ZC3H8: variants seen among roughly 807,000 people sequenced by gnomAD.
ZC3H8 encodes zinc finger CCCH-type containing 8.
A neutral mutation model predicts 42.5 loss-of-function variants in ZC3H8; 27 were observed. The ratio of observed to expected loss-of-function variants is 0.64; its 90% CI spans 0.47 to 0.88. The LOEUF (loss-of-function observed/expected upper bound fraction) is 0.88, where lower values mean the gene tolerates loss of function less well. ZC3H8 is among the 40% of genes least tolerant of loss of function. The probability of loss-of-function intolerance (pLI) is 0.00; values close to 1 mark genes in which losing one functional copy is unlikely to be tolerated. For synonymous variants in ZC3H8, 101 were observed against 110.1 expected (o/e 0.92, Z 0.52); for missense variants, 277 against 336.1 (o/e 0.82, Z 1.37).
chr2:112,244,898 T>C (rs1685704575), intron 2 of ZC3H8, among the ~76,000 whole-genome samples: 1 of 152,176 alleles, frequency 6.6e-6, no homozygotes, highest in Admixed American at 6.5e-5. Context: ...GATACTGAAA[T>C]TAGACTAATT....
chr2:112,216,683 C>CAAAAA (rs71385865), intron 8 of ZC3H8, among the ~76,000 whole-genome samples: 5 of 121,028 alleles, frequency 4.1e-5, no homozygotes, highest in East Asian at 2.3e-4. Context: ...AGAACTGAAG[C>CAAAAA]AAAAAAAAAA....
rs916749596 is a variant in ZC3H8, at chr2:112,212,161, T to G, written c.*4323A>C. The G allele has an allele frequency of 6.6e-6, 1 of 152,302 alleles. No individual in the cohort carries two copies. Among genetic ancestry groups the G allele is most frequent in the African/African-American group, 2.4e-5 (1 of 41,448 alleles). 9.4% of individuals were successfully genotyped at this position (152,302 alleles called of 1,614,324 possible). ...CCTGCTTTGTAGACAGCCATTTTCT[T>G]GCCGTGTCCTCACATGGTGGAAAAG... On this transcript the variant is annotated 3_prime_UTR_variant, in exon 9 of 9. Coordinates refer to ENST00000409573, the MANE Select transcript of ZC3H8 (RefSeq NM_032494.3).
rs11308292 is a variant in ZC3H8 at position 112,234,032 on chromosome 2, T to TA, written c.621+87dup. ...ATTTTTTTCCAGAATGAAACAGCTT[T>TA]AAAAACCTAAAGGTATGAATTAAAA... On this transcript the variant is annotated intron_variant, in intron 5 of 8. Transcript: ENST00000409573. 3 of 761,354 alleles carry TA rather than the reference T, an allele frequency of 3.9e-6. No individual in the cohort carries two copies. In the South Asian group the frequency reaches 7.4e-5, roughly 19 times the overall value. The allele number at this position is 761,354 out of a possible 1,614,324, so 47.2% of individuals were successfully genotyped here. A position where few individuals can be genotyped will look rare whatever the true frequency, so the allele number is the denominator to read the frequency against.
intron 3 of ZC3H8, 65 bp downstream of exon 3, chr2:112,238,250 G>A (rs1368618737): frequency 2.0e-5 from 30 of 1,484,798 alleles, no homozygotes; most frequent in African/African-American, 8.4e-5. Context: ...TCCTCTGTCC[G>A]TATATGGACA....
At position 112,228,704 on chromosome 2, in the gene ZC3H8, G is replaced by A. The variant is rs72831647; in HGVS notation, c.*15+2199C>T. Among the ~76,000 whole-genome samples the A allele has an allele frequency of 4.0e-3, 609 of 152,056 alleles. 2 individuals carry two copies. The highest frequency in any genetic ancestry group is 5.8e-3 in the Non-Finnish European group (392 of 67,970). On this transcript the variant is annotated intron_variant, in intron 8 of 8. Coordinates refer to ENST00000409573, the MANE Select transcript of ZC3H8 (RefSeq NM_032494.3). ...GGCAATAAATTCTTAGATACAACAC[G>A]GAAAGCATGATCCATAGAAGAGAAA...
Position 112,226,587 on chromosome 2 carries a change from C to T in ZC3H8, c.*15+4316G>A, listed in dbSNP as rs568849575. ...CTGGGCAACAGAGCCAAGACTCCATCTCAAAAAAAAAAAAAAAAGCTCAGG... is the reference window on the plus strand; with the variant it reads ...CTGGGCAACAGAGCCAAGACTCCATTTCAAAAAAAAAAAAAAAAGCTCAGG... On this transcript the variant is annotated intron_variant, in intron 8 of 8. Coordinates refer to ENST00000409573, the MANE Select transcript of ZC3H8 (RefSeq NM_032494.3). Among the ~76,000 whole-genome samples the T allele has an allele frequency of 2.1e-3, 24 of 11,546 alleles. No individual in the cohort carries two copies. In the African/African-American group the frequency reaches 0.037, roughly 18 times the overall value. The allele number at this position is 11,546 out of a possible 152,430, so 7.6% of individuals were successfully genotyped here.
intron 8 of ZC3H8, among the ~76,000 whole-genome samples, chr2:112,222,094 T>TA (rs1299253977): frequency 2.0e-5 from 3 of 152,158 alleles, no homozygotes; most frequent in Admixed American, 1.3e-4. Context: ...GTGGGATCAG[T>TA]TGACTGGCTT....
rs1043676565 is a variant in ZC3H8 at position 112,214,389 on chromosome 2, T to C, written c.*2095A>G. On this transcript the variant is annotated 3_prime_UTR_variant, in exon 9 of 9. Coordinates refer to ENST00000409573, the MANE Select transcript of ZC3H8 (RefSeq NM_032494.3). Reference sequence around the variant, plus strand: ...AAATTCAATAGAGCCATGATAACCATGCTGGCCAAATAAATCTGTGCAGAT... The same window carrying C: ...AAATTCAATAGAGCCATGATAACCACGCTGGCCAAATAAATCTGTGCAGAT... The C allele has an allele frequency of 2.0e-5, 3 of 152,190 alleles. No individual in the cohort carries two copies. Among genetic ancestry groups the C allele is most frequent in the East Asian group, 1.9e-4 (1 of 5,204 alleles). The allele number at this position is 152,190 out of a possible 1,614,324, so 9.4% of individuals were successfully genotyped here.
rs1684169919 is a variant in ZC3H8, at chr2:112,212,424, G to A, written c.*4060C>T. The A allele has an allele frequency of 6.6e-6, 1 of 152,244 alleles. No homozygotes were observed. The highest frequency in any genetic ancestry group is 2.1e-4 in the South Asian group (1 of 4,828). 9.4% of individuals were successfully genotyped at this position (152,244 alleles called of 1,614,324 possible). A position where few individuals can be genotyped will look rare whatever the true frequency, so the allele number is the denominator to read the frequency against. On this transcript the variant is annotated 3_prime_UTR_variant, in exon 9 of 9. Coordinates refer to ENST00000409573, the MANE Select transcript of ZC3H8 (RefSeq NM_032494.3). ...GAATACAATGAATGTAGTTTTTGGT[G>A]AAGAGGATGGCGAGGGGGAGAAACA... is the stretch of plus-strand genomic sequence containing the variant.
chr2:112,244,503 A>G (rs1284616734), intron 2 of ZC3H8, among the ~76,000 whole-genome samples: 1 of 152,226 alleles, frequency 6.6e-6, no homozygotes, highest in African/African-American at 2.4e-5. Context: ...GATATCTACA[A>G]AGAAAGTTAT....
intron 2 of ZC3H8, among the ~76,000 whole-genome samples, chr2:112,245,264 G>A (rs916338147): frequency 6.6e-6 from 1 of 152,214 alleles, no homozygotes; most frequent in African/African-American, 2.4e-5. Flanking sequence ...ATTCTATGAA[G>A]GTGGAAAAAG....
At chr2:112,233,813 G>A (rs1685196734) in intron 5 of ZC3H8, among the ~76,000 whole-genome samples, 1 of 152,052 alleles carries the variant, frequency 6.6e-6, no homozygotes, top group South Asian at 2.1e-4. Context: ...AGCTTGCAGT[G>A]AGCCGAGAAT....
chr2:112,234,710 G>A (rs1397328780), intron 4 of ZC3H8, among the ~76,000 whole-genome samples: 2 of 151,996 alleles, frequency 1.3e-5, no homozygotes, highest in Admixed American at 6.6e-5. Context: ...TGAGGCAGGA[G>A]AATCGCTTGA....
At chr2:112,217,951 G>T (rs1684402309) in intron 8 of ZC3H8, among the ~76,000 whole-genome samples, 1 of 151,988 alleles carries the variant, frequency 6.6e-6, no homozygotes, top group African/African-American at 2.4e-5. Context: ...TGTTTTTGTA[G>T]AGATAGGGTC....
chr2:112,229,356 T>C (rs1027032817), intron 8 of ZC3H8, among the ~76,000 whole-genome samples: 7 of 152,244 alleles, frequency 4.6e-5, no homozygotes, highest in Non-Finnish European at 8.8e-5. Context: ...GTTACAGTTA[T>C]ACTCTTTTTT....
At chr2:112,246,189 C>T (rs1685757028) in intron 2 of ZC3H8, among the ~76,000 whole-genome samples, 1 of 152,214 alleles carries the variant, frequency 6.6e-6, no homozygotes, top group Admixed American at 6.5e-5. Flanking sequence ...TTTCAAAATA[C>T]TACTGCTCAT....
chr2:112,243,994 CAG>C (rs1460418553), intron 2 of ZC3H8, among the ~76,000 whole-genome samples: 3 of 145,412 alleles, frequency 2.1e-5, no homozygotes, highest in African/African-American at 7.6e-5. Flanking sequence ...TAAATAGAAA[CAG>C]AGGAAATATC....
intron 8 of ZC3H8, among the ~76,000 whole-genome samples, chr2:112,227,921 T>C (rs1684917698): frequency 6.6e-6 from 1 of 151,656 alleles, no homozygotes; most frequent in Admixed American, 6.6e-5. Flanking sequence ...CATGGGTTTT[T>C]TGCAGAATGT....
chr2:112,220,762 G>A (rs764756158), intron 8 of ZC3H8, among the ~76,000 whole-genome samples: 1 of 152,304 alleles, frequency 6.6e-6, no homozygotes, highest in Non-Finnish European at 1.5e-5. Flanking sequence ...CAGAGGTTGT[G>A]GTGAGCTGAG....
Sources: allele counts gnomAD v4.1 joint callset (sites outside exome capture counted in the v4.1 genomes callset), GRCh38; gene constraint gnomAD v4.1.1; transcripts MANE v1.5; gene names NCBI Gene and HGNC (gene_info 2026-07-23, HGNC 2026-07-21).